The following URI1 variants were observed in gnomAD, a reference collection of about 807,000 sequenced individuals.
URI1 encodes the protein URI1 prefoldin like chaperone.
A neutral mutation model predicts 60.2 loss-of-function variants in URI1; 39 were observed. The ratio of observed to expected loss-of-function variants is 0.65; its 90% confidence interval spans 0.50 to 0.85. The LOEUF is 0.85. URI1 is among the 40% of genes least tolerant of loss of function. The probability of loss-of-function intolerance (pLI) is 0.00; values close to 1 mark genes in which losing one functional copy is unlikely to be tolerated. For missense variants in URI1, 691 were observed against 665.9 expected (o/e 1.04, Z -0.42); for synonymous variants, 251 against 236.8 (o/e 1.06, Z -0.55).
rs1171713356 is a variant in URI1 at position 29,942,446 on chromosome 19, G to T, written c.-102G>T. 1 of 998,590 alleles carries T rather than the reference G, an allele frequency of 1.0e-6. No individual in the cohort carries two copies. Among genetic ancestry groups the T allele is most frequent in the Non-Finnish European group, 1.2e-6 (1 of 839,314 alleles). 61.9% of individuals were successfully genotyped at this position (998,590 alleles called of 1,614,324 possible). ...GCCTCCTGGGCGCGGGGCGCGCGGT[G>T]CCTGAGGGCGGGCGCGCGGGCGCTG... On this transcript the variant is annotated 5_prime_UTR_variant, in exon 1 of 11. Transcript: ENST00000392271.
rs1408004514 is a variant in URI1, at chr19:29,942,491, G to C, written c.-57G>C. 3.1e-5 allele frequency: 36 copies of C among 1,143,402 alleles called. No individual in the cohort carries two copies. The highest frequency in any genetic ancestry group is 3.9e-5 in the Non-Finnish European group (36 of 930,794). The allele number at this position is 1,143,402 out of a possible 1,614,324, so 70.8% of individuals were successfully genotyped here. ...GCGCTGGGCAACTGCCGGCCGCGCC[G>C]CCTGCGCAGGCGCTGGTTCAGGACT... On this transcript the variant is annotated 5_prime_UTR_variant, in exon 1 of 11. Transcript: ENST00000392271.
chr19:29,983,010 A>ATG (rs2055617748), intron 2 of URI1, among the ~76,000 whole-genome samples: 3 of 152,234 alleles, frequency 2.0e-5, no homozygotes, highest in Non-Finnish European at 4.4e-5. Flanking sequence ...CTTCAAAGCC[A>ATG]TGTTCTTTCT....
intron 1 of URI1, among the ~76,000 whole-genome samples, chr19:29,960,326 C>T (rs1394264369): frequency 2.0e-5 from 3 of 151,868 alleles, no homozygotes; most frequent in Non-Finnish European, 4.4e-5. Flanking sequence ...ATTTTATGTC[C>T]TTGTTAATTT....
chr19:29,977,585 T>TGGGGG (rs1555741777), intron 2 of URI1, among the ~76,000 whole-genome samples: 1 of 139,394 alleles, frequency 7.2e-6, no homozygotes, highest in Admixed American at 7.3e-5. Flanking sequence ...TCCCTCCTCT[T>TGGGGG]GAGCAGAGAG....
rs335040 is a variant in URI1, at chr19:29,948,944, C to T, written c.117+6280C>T. On this transcript the variant is annotated intron_variant, in intron 1 of 10. Coordinates refer to ENST00000392271, the MANE Select transcript of URI1 (RefSeq NM_003796.3). ...GCAGAGGCACCCCCCACCTCCCAGACGGGACCGCGGCCGGGCGGAGGCGCC... is the reference window on the plus strand; with the variant it reads ...GCAGAGGCACCCCCCACCTCCCAGATGGGACCGCGGCCGGGCGGAGGCGCC... Among the ~76,000 whole-genome samples the T allele has an allele frequency of 5.9e-3, 891 of 151,200 alleles. 9 individuals are homozygous for T. Among genetic ancestry groups the T allele is most frequent in the African/African-American group, 0.021 (851 of 41,326 alleles).
intron 4 of URI1, among the ~76,000 whole-genome samples, chr19:30,002,479 G>T (rs2055890626): frequency 6.6e-6 from 1 of 151,966 alleles, no homozygotes; most frequent in Non-Finnish European, 1.5e-5. Flanking sequence ...CTGAATTAGT[G>T]AAGACTTTAA....
upstream of URI1, among the ~76,000 whole-genome samples, chr19:29,939,466 G>T (rs1325456863): frequency 6.6e-6 from 1 of 151,386 alleles, no homozygotes; most frequent in Non-Finnish European, 1.5e-5. Context: ...TAGAGATGGG[G>T]TTTCATCATG....
upstream of URI1, among the ~76,000 whole-genome samples, chr19:29,938,665 G>T (rs913415958): frequency 6.6e-6 from 1 of 151,890 alleles, no homozygotes; most frequent in Non-Finnish European, 1.5e-5. Context: ...AAGTAATAAG[G>T]TAATAAAATA....
chr19:29,929,197 C>T (rs927165311), intron 1 of URI1, among the ~76,000 whole-genome samples: 1 of 152,118 alleles, frequency 6.6e-6, no homozygotes, highest in African/African-American at 2.4e-5. Flanking sequence ...TAAGAAACTG[C>T]CAAACTGTCT....
intron 1 of URI1, among the ~76,000 whole-genome samples, chr19:29,964,899 CTGTT>C (rs2055373708): frequency 7.0e-6 from 1 of 142,260 alleles, no homozygotes; most frequent in Non-Finnish European, 1.5e-5. Context: ...CTTCAGTGGA[CTGTT>C]TGTTTCCTTT....
Position 29,942,567 on chromosome 19 carries a change from A to T in URI1, c.20A>T (p.Glu7Val). The T allele has an allele frequency of 7.0e-7, 1 of 1,421,658 alleles. No individual in the cohort carries two copies. Among genetic ancestry groups the T allele is most frequent in the Non-Finnish European group, 9.2e-7 (1 of 1,088,540 alleles). 88.1% of individuals were successfully genotyped at this position (1,421,658 alleles called of 1,614,324 possible). The change falls in exon 1 of 11, where the codon GAG (glutamate) becomes GTG (valine). Residue 7 changes from glutamate to valine, a missense_variant. Glu to Val is a moderately radical substitution (Grantham distance 121). Transcript: ENST00000392271. MEAPTVETPPDPSPPSA... is the reference protein window; with the variant it reads MEAPTVVTPPDPSPPSA... ...CCCGTCATGGAGGCGCCCACCGTGG[A>T]GACGCCCCCCGACCCCTCGCCCCCT... is the stretch of plus-strand genomic sequence containing the variant.
At chr19:29,968,929 A>G (rs935254960) in intron 1 of URI1, among the ~76,000 whole-genome samples, 25 of 152,214 alleles carry the variant, frequency 1.6e-4, no homozygotes, top group Middle Eastern at 3.4e-3. Context: ...CAACTAAAAA[A>G]AAAACCCTCT....
intron 4 of URI1, among the ~76,000 whole-genome samples, chr19:29,987,983 C>T (rs2055693413): frequency 6.6e-6 from 1 of 152,030 alleles, no homozygotes; most frequent in South Asian, 2.1e-4. Flanking sequence ...GCCCGACCAA[C>T]GTGGTAAAAC....
chr19:30,002,989 A>G (rs2055896733), intron 4 of URI1, among the ~76,000 whole-genome samples: 1 of 152,022 alleles, frequency 6.6e-6, no homozygotes, highest in Admixed American at 6.6e-5. Context: ...TGACATGTAT[A>G]TTTCACCTCT....
intron 1 of URI1, chr19:29,970,948 T>C: frequency 2.0e-6 from 1 of 505,180 alleles, no homozygotes; most frequent in Non-Finnish European, 3.5e-6. Flanking sequence ...AAGCGGGTTT[T>C]GTACCAAAGT....
chr19:30,007,346 T>C, intron 6 of URI1, 124 bp from the exon 7 acceptor site: 1 of 1,091,464 alleles, frequency 9.2e-7, no homozygotes, highest in Non-Finnish European at 1.3e-6. Context: ...TCTGTTTGGC[T>C]TAAAAATTGT....
At chr19:29,925,904 A>G (rs939271616) in intron 1 of URI1, 1 of 152,208 alleles carries the variant, frequency 6.6e-6, no homozygotes, top group African/African-American at 2.4e-5. Context: ...CAGAGCACAT[A>G]CCGTATGAGT....
intron 1 of URI1, among the ~76,000 whole-genome samples, chr19:29,957,579 G>C (rs1201090537): frequency 6.6e-6 from 1 of 151,948 alleles, no homozygotes; most frequent in African/African-American, 2.4e-5. Flanking sequence ...AATTCCTCTA[G>C]CACTTTGTTC....
At chr19:29,962,823 T>C (rs2055343467) in intron 1 of URI1, among the ~76,000 whole-genome samples, 1 of 152,200 alleles carries the variant, frequency 6.6e-6, no homozygotes, top group Non-Finnish European at 1.5e-5. Context: ...CAGAATTCTG[T>C]TTCTGTTGAA....
Sources: gnomAD v4.1 joint callset for allele counts (sites outside exome capture counted in the v4.1 genomes callset) on GRCh38, gnomAD v4.1.1 for gene constraint, MANE v1.5 for transcripts, NCBI Gene and HGNC (gene_info 2026-07-23, HGNC 2026-07-21) for gene names.